Variants in MYH9 observed in about 807,000 individuals in gnomAD.
The protein encoded by MYH9 is myosin heavy chain 9.
MYH9 carries 29 observed loss-of-function variants against 241.9 expected under a neutral mutation model. The observed-to-expected ratio is 0.12, with a 90% CI of 0.09 to 0.16. MYH9 has a LOEUF of 0.16. Among genes scored for constraint, MYH9 ranks in the 10% least tolerant of loss-of-function variants. The probability of loss-of-function intolerance (pLI) is 1.00; values close to 1 mark genes in which losing one functional copy is unlikely to be tolerated. For synonymous variants in MYH9, 1,047 were observed against 1,062.6 expected (o/e 0.99, Z 0.29); for missense variants, 1,803 against 2,595.5 (o/e 0.69, Z 6.63).
rs780507039 is a variant in MYH9 at position 36,289,245 on chromosome 22, C to T, written c.4397G>A (p.Arg1466Gln). 64 of 1,612,666 alleles carry T rather than the reference C, an allele frequency of 4.0e-5. No individual in the cohort carries two copies. The highest frequency in any genetic ancestry group is 5.2e-5 in the Non-Finnish European group (61 of 1,180,008). ...ISAKYAEERD[R>Q]AEAEAREKET... ...CTTCTCTCGGGCCTCCGCCTCAGCC[C>T]GGTCGCGCTCCTCTGCATACTTGGC... The change falls in exon 32 of 41, where the codon CGG becomes CAG. Residue 1466 changes from arginine (R) to glutamine (Q), a missense_variant. Physicochemically the swap from Arg to Gln is conservative, Grantham distance 43. Around this residue, in one of 11 missense-constraint regions of MYH9, gnomAD observed 876 missense variants for 1,077.8 expected, o/e 0.81. Transcript: ENST00000216181.
Position 36,281,476 on chromosome 22 carries a change from A to G in MYH9, c.*1192T>C, listed in dbSNP as rs946496808. 22 of 228,188 alleles carry G rather than the reference A, an allele frequency of 9.6e-5. No individual in the cohort carries two copies. The highest frequency in any genetic ancestry group is 1.9e-4 in the Non-Finnish European group (22 of 114,830). 14.1% of individuals were successfully genotyped at this position (228,188 alleles called of 1,614,324 possible). On this transcript the variant is annotated 3_prime_UTR_variant, in exon 41 of 41. Transcript: ENST00000216181. ...CTTTGTAGGCATATGCAGCTTTTATATCACTTCATGATTTGAGAGTTTGTT... is the reference window on the plus strand; with the variant it reads ...CTTTGTAGGCATATGCAGCTTTTATGTCACTTCATGATTTGAGAGTTTGTT...
intron 1 of MYH9, among the ~76,000 whole-genome samples, chr22:36,386,941 G>C (rs1393559441): frequency 6.6e-6 from 1 of 152,262 alleles, no homozygotes; most frequent in African/African-American, 2.4e-5. Context: ...TGCTCGTAAC[G>C]GCAGAGCTAG....
In MYH9 at chr22:36,300,687, TA is replaced by T. The variant is rs2016862538; in HGVS notation, c.2838+163del. On this transcript the variant is annotated intron_variant, in intron 22 of 40. Transcript: ENST00000216181. The surrounding 1 kb of genome is among the most constrained non-coding windows in gnomAD (Gnocchi z 5.0). Reference sequence around the variant, plus strand: ...GATCTCAGATGCACATGTCACAAACTACCAGCCCAAAGGGAACACCTCTCAC... The same window carrying T: ...GATCTCAGATGCACATGTCACAAACTCCAGCCCAAAGGGAACACCTCTCAC... Among the ~76,000 whole-genome samples the T allele has an allele frequency of 6.6e-6, 1 of 152,134 alleles. No homozygotes were observed.
At chr22:36,354,791 G>A (rs1603484183) in intron 1 of MYH9, among the ~76,000 whole-genome samples, 2 of 152,104 alleles carry the variant, frequency 1.3e-5, no homozygotes, top group Middle Eastern at 3.4e-3. Context: ...GGAGTTACGG[G>A]AGAAAAGAAC....
At chr22:36,291,318 C>T (rs1381535227) in intron 31 of MYH9, among the ~76,000 whole-genome samples, 5 of 152,214 alleles carry the variant, frequency 3.3e-5, no homozygotes, top group African/African-American at 1.2e-4. Context: ...GGAGACTTTT[C>T]ATTTTGTTGT....
Position 36,329,985 on chromosome 22 carries a change from C to T in MYH9, c.491-2497G>A, listed in dbSNP as rs773638033. 8.5e-5 allele frequency among the ~76,000 whole-genome samples: 13 copies of T among 152,204 alleles called. No homozygotes were observed. Among genetic ancestry groups the T allele is most frequent in the Non-Finnish European group, 1.5e-4 (10 of 68,040 alleles). On this transcript the variant is annotated intron_variant, in intron 3 of 40. Coordinates refer to ENST00000216181, the MANE Select transcript of MYH9 (RefSeq NM_002473.6). This position sits in a 1 kb window ranked among gnomAD's most constrained non-coding sequence, Gnocchi z 4.1. ...ACAAGCACAAGTGCAAACACAGGCACGCAAGGCACATGTATTCACAGGTGA... is the reference window on the plus strand; with the variant it reads ...ACAAGCACAAGTGCAAACACAGGCATGCAAGGCACATGTATTCACAGGTGA...
rs1049623321 is a variant in MYH9 at position 36,282,317 on chromosome 22, T to A, written c.*351A>T. 6.7e-6 allele frequency: 3 copies of A among 444,900 alleles called. No homozygotes were observed. Among genetic ancestry groups the A allele is most frequent in the Non-Finnish European group, 1.2e-5 (3 of 243,266 alleles). 27.6% of individuals were successfully genotyped at this position (444,900 alleles called of 1,614,324 possible). On this transcript the variant is annotated 3_prime_UTR_variant, in exon 41 of 41. Transcript: ENST00000216181. ...CTCAGTCTGAAGAAAAATAGATTCATAGAAAACTCTGGCCCCTCCCCGGGG... is the reference window on the plus strand; with the variant it reads ...CTCAGTCTGAAGAAAAATAGATTCAAAGAAAACTCTGGCCCCTCCCCGGGG...
At chr22:36,284,368 C>T (rs960795449) in intron 39 of MYH9, 35 bp downstream of exon 39, 15 of 1,608,724 alleles carry the variant, frequency 9.3e-6, no homozygotes, top group South Asian at 5.5e-5. Flanking sequence ...TGCCCAGCCC[C>T]GCTGCCCTTC....
At chr22:36,282,965 G>T (rs1199664492) in intron 40 of MYH9, among the ~76,000 whole-genome samples, 180 bp from the exon 41 acceptor site, 2 of 152,222 alleles carry the variant, frequency 1.3e-5, no homozygotes, top group African/African-American at 4.8e-5. Context: ...ACCACTCTCA[G>T]GAAAGCAGGC....
At position 36,282,029 on chromosome 22, in the gene MYH9, G is replaced by A. The variant is rs554451749; in HGVS notation, c.*639C>T. 5.1e-5 allele frequency: 12 copies of A among 234,398 alleles called. No individual in the cohort carries two copies. The highest frequency in any genetic ancestry group is 2.4e-4 in the East Asian group (4 of 16,486). The allele number at this position is 234,398 out of a possible 1,614,324, so 14.5% of individuals were successfully genotyped here. On this transcript the variant is annotated 3_prime_UTR_variant, in exon 41 of 41. Transcript: ENST00000216181. ...ATTTTAGAATCAGGAGGGAGACAGCGGACAGTGGCGCTGCCTGGGACAGGG... is the reference window on the plus strand; with the variant it reads ...ATTTTAGAATCAGGAGGGAGACAGCAGACAGTGGCGCTGCCTGGGACAGGG...
In MYH9 at chr22:36,305,046, G is replaced by A. The variant is rs368367291; in HGVS notation, c.2216C>T (p.Ala739Val). ...AGCTCAACTCACCATGAGCACGCAC[G>A]CCTGCTTCCCGTCCATGAAACCCTT... ...IPKGFMDGKQACVLMIKALEL... is the reference protein window; with the variant it reads ...IPKGFMDGKQVCVLMIKALEL... Residue 739 changes from alanine (A) to valine (V), a missense_variant, in exon 18 of 41, where the codon GCG becomes GTG. Coordinates refer to ENST00000216181, the MANE Select transcript of MYH9 (RefSeq NM_002473.6). This position sits in a 1 kb window ranked among gnomAD's most constrained non-coding sequence, Gnocchi z 4.7. 41 of 1,613,870 alleles carry A rather than the reference G, an allele frequency of 2.5e-5. No individual in the cohort carries two copies. The highest frequency in any genetic ancestry group is 1.3e-4 in the Admixed American group (8 of 59,998).
chr22:36,374,661 A>T lies in MYH9; in HGVS notation c.-20+13146T>A, dbSNP rs190212871. On this transcript the variant is annotated intron_variant, in intron 1 of 40. Transcript: ENST00000216181. ...ACCAGAGGGCGCAGGCCGCGTTCCC[A>T]GCATCCACCCCCAAGGTGAGTGACC... is the stretch of plus-strand genomic sequence containing the variant. 1.2e-4 allele frequency among the ~76,000 whole-genome samples: 18 copies of T among 152,360 alleles called. No individual in the cohort carries two copies. In the East Asian group the frequency reaches 3.1e-3, roughly 26 times the overall value.
At position 36,285,043 on chromosome 22, in the gene MYH9, C is replaced by T. The variant is rs2016555456; in HGVS notation, c.5483+78G>A. The T allele has an allele frequency of 6.6e-6, 9 of 1,370,448 alleles. No homozygotes were observed. The highest frequency in any genetic ancestry group is 9.2e-6 in the Non-Finnish European group (9 of 979,256). The allele number at this position is 1,370,448 out of a possible 1,614,324, so 84.9% of individuals were successfully genotyped here. The stretch of plus-strand genomic sequence containing the variant: ...CAGGAGACAGAGAGCTGGTTGTGGC[C>T]CAGATTTGGGCAGGACTGCAGGGGG... On this transcript the variant is annotated intron_variant, in intron 38 of 40. Coordinates refer to ENST00000216181, the MANE Select transcript of MYH9 (RefSeq NM_002473.6). The surrounding 1 kb of genome is among the most constrained non-coding windows in gnomAD (Gnocchi z 7.0).
At chr22:36,359,936 C>A (rs2017911250) in intron 1 of MYH9, among the ~76,000 whole-genome samples, 1 of 152,148 alleles carries the variant, frequency 6.6e-6, no homozygotes, top group African/African-American at 2.4e-5. Flanking sequence ...TGGGGCCAGA[C>A]AGACCTGGAT....
At chr22:36,289,598 T>C (rs1486037094) in intron 31 of MYH9, among the ~76,000 whole-genome samples, 1 of 152,210 alleles carries the variant, frequency 6.6e-6, no homozygotes, top group African/African-American at 2.4e-5. Context: ...ATGAGAGCCC[T>C]CCAAACCTGT....
At position 36,289,168 on chromosome 22, in the gene MYH9, T is replaced by C. The variant is rs750188842; in HGVS notation, c.4474A>G (p.Lys1492Glu). The C allele has an allele frequency of 2.5e-6, 4 of 1,613,800 alleles. No homozygotes were observed. In the South Asian group the frequency reaches 4.4e-5, roughly 18 times the overall value. Residue 1492 changes from lysine to glutamate, a missense_variant, in exon 32 of 41, where the codon AAG becomes GAG. This residue lies in a region of MYH9 where 876 missense variants were observed against 1,077.8 expected (regional missense o/e 0.81). Transcript: ENST00000216181. ...ARALEEAMEQ[K>E]AELERLNKQF... ...TTGTTGAGCCGCTCCAGCTCCGCCT[T>C]CTGCTCCATGGCTTCCTCCAGGGCC...
rs527594039 is a variant in MYH9 at position 36,333,347 on chromosome 22, C to A, written c.491-5859G>T. ...TGTCGGTGACTGTTAGGCTAGGATT[C>A]ACTCCTGGAGCACGGCTCACGCTTC... On this transcript the variant is annotated intron_variant, in intron 3 of 40. Coordinates refer to ENST00000216181, the MANE Select transcript of MYH9 (RefSeq NM_002473.6). Among the ~76,000 whole-genome samples the A allele has an allele frequency of 3.9e-5, 6 of 152,306 alleles. No individual in the cohort carries two copies. In the East Asian group the frequency reaches 1.2e-3, roughly 29 times the overall value.
intron 12 of MYH9, among the ~76,000 whole-genome samples, chr22:36,315,182 A>G (rs1307791673): frequency 1.3e-5 from 2 of 152,174 alleles, no homozygotes; most frequent in Non-Finnish European, 2.9e-5. Context: ...CTCTGCAACA[A>G]CCGGAATGTA....
At chr22:36,359,773 C>T (rs903490964) in intron 1 of MYH9, among the ~76,000 whole-genome samples, 16 of 152,146 alleles carry the variant, frequency 1.1e-4, no homozygotes, top group Admixed American at 6.5e-4. Context: ...GAATGCTACG[C>T]CTCCATCTAT....
Sources: gnomAD v4.1 joint callset for allele counts (sites outside exome capture counted in the v4.1 genomes callset) on GRCh38, gnomAD v4.1.1 for gene constraint, gnomAD v4.1.1 regional missense constraint, Gnocchi (gnomAD v3.1) non-coding constraint, MANE v1.5 for transcripts, NCBI Gene and HGNC (gene_info 2026-07-23, HGNC 2026-07-21) for gene names.